The following WNT2B variants were observed in gnomAD, a reference collection of about 807,000 sequenced individuals.
The protein encoded by WNT2B is Wnt family member 2B.
WNT2B carries 19 observed loss-of-function variants against 40.5 expected under a neutral mutation model. The ratio of observed to expected loss-of-function variants is 0.47; its 90% CI spans 0.33 to 0.69. The LOEUF is 0.69. Ranked by LOEUF, WNT2B falls within the 30% of genes least tolerant of loss-of-function variation. WNT2B has a pLI of 0.02. For synonymous variants in WNT2B, 220 were observed against 211.9 expected (o/e 1.04, Z -0.33); for missense variants, 467 against 556.4 (o/e 0.84, Z 1.62).
In WNT2B at chr1:112,520,401, G is replaced by C; in HGVS notation, c.1068G>C (p.Glu356Asp). ...GAGTCACCCGTGTTACCCAGTGTGA[G>C]TGCAAATTCCACTGGTGCTGTGCTG... The part of the protein sequence containing the change: ...TTRVTRVTQC[E>D]CKFHWCCAVR... The change falls in exon 5 of 5, where the codon GAG becomes GAC. Residue 356 changes from glutamate to aspartate, a missense_variant. By Grantham distance (45) the Glu-to-Asp change is conservative. This residue lies in a region of WNT2B where 330 missense variants were observed against 438.6 expected (regional missense o/e 0.75). Transcript: ENST00000369684. 6.2e-7 allele frequency: 1 copy of C among 1,614,176 alleles called. No homozygotes were observed. The highest frequency in any genetic ancestry group is 2.2e-5 in the East Asian group (1 of 44,882).
intron 1 of WNT2B, among the ~76,000 whole-genome samples, chr1:112,473,740 A>G (rs1650963319): frequency 6.6e-6 from 1 of 152,046 alleles, no homozygotes; most frequent in South Asian, 2.1e-4. Flanking sequence ...AGCATAAGAA[A>G]CATGAAGGAA....
rs1316881296 is a variant in WNT2B at position 112,479,089 on chromosome 1, T to C, written c.-95+11498T>C. ...TACAAAAATTAGCTGGGCGTAGTGG[T>C]ACATGCCTGTAATCCCAGCTACTCA... On this transcript the variant is annotated intron_variant, in intron 1 of 4. Transcript: ENST00000256640. Among the ~76,000 whole-genome samples, 12 of 149,420 alleles carry C rather than the reference T, an allele frequency of 8.0e-5. 1 individual carries two copies. Among genetic ancestry groups the C allele is most frequent in the Admixed American group, 4.7e-4 (7 of 15,032 alleles).
At chr1:112,475,500 A>T (rs1344882514) in intron 1 of WNT2B, among the ~76,000 whole-genome samples, 2 of 152,238 alleles carry the variant, frequency 1.3e-5, no homozygotes, top group Non-Finnish European at 2.9e-5. Context: ...ATCACAGTGT[A>T]TTGTGGGCTT....
intron 1 of WNT2B, among the ~76,000 whole-genome samples, chr1:112,470,883 G>T (rs979506406): frequency 2.3e-5 from 3 of 129,992 alleles, no homozygotes; most frequent in African/African-American, 9.7e-5. Flanking sequence ...GGGCAAGGTC[G>T]CTCTCACAGG....
rs199991957 is a variant in WNT2B at position 112,517,325 on chromosome 1, C to T, written c.886C>T (p.Arg296Trp). Reference protein sequence around the residue: ...AARQGYRRATRTDLVYFDNSP... With the variant: ...AARQGYRRATWTDLVYFDNSP... Reference sequence around the variant, plus strand: ...CCGCCAAGGCTATCGCCGTGCCACCCGGACTGATCTTGTCTACTTTGACAA... The same window carrying T: ...CCGCCAAGGCTATCGCCGTGCCACCTGGACTGATCTTGTCTACTTTGACAA... Residue 296 changes from arginine (R) to tryptophan (W), a missense_variant, in exon 4 of 5, where the codon CGG becomes TGG. Coordinates refer to ENST00000369684, the MANE Select transcript of WNT2B (RefSeq NM_024494.3). The T allele has an allele frequency of 3.1e-6, 5 of 1,613,798 alleles. No individual in the cohort carries two copies. The highest frequency in any genetic ancestry group is 2.2e-5 in the East Asian group (1 of 44,864).
intron 1 of WNT2B, among the ~76,000 whole-genome samples, chr1:112,473,922 G>A (rs185446963): frequency 2.0e-5 from 3 of 150,398 alleles, no homozygotes; most frequent in African/African-American, 4.9e-5. Context: ...AAAATTAGCC[G>A]GGCGTGGTGG....
chr1:112,512,848 T>A (rs930331975), intron 1 of WNT2B, among the ~76,000 whole-genome samples: 1 of 152,212 alleles, frequency 6.6e-6, no homozygotes, highest in Non-Finnish European at 1.5e-5. Flanking sequence ...GCAAGCGCCA[T>A]GCTCTGTGGA....
At chr1:112,512,270 C>A (rs1011607114) in intron 1 of WNT2B, among the ~76,000 whole-genome samples, 2 of 152,152 alleles carry the variant, frequency 1.3e-5, no homozygotes, top group African/African-American at 2.4e-5. Context: ...TGATTGCATA[C>A]CTACTATGTG....
At chr1:112,497,641 C>T (rs528510410) in intron 1 of WNT2B, among the ~76,000 whole-genome samples, 3 of 152,328 alleles carry the variant, frequency 2.0e-5, no homozygotes, top group Non-Finnish European at 4.4e-5. Flanking sequence ...ATGAATACCA[C>T]CTGACTTCCT....
At chr1:112,488,708 T>A (rs1651500049) in intron 1 of WNT2B, among the ~76,000 whole-genome samples, 1 of 151,972 alleles carries the variant, frequency 6.6e-6, no homozygotes, top group Non-Finnish European at 1.5e-5. Context: ...CTCGCCACCA[T>A]GCCCGGCTAA....
At position 112,502,825 on chromosome 1, in the gene WNT2B, G is replaced by A. The variant is rs566022677; in HGVS notation, c.-94-12049G>A. On this transcript the variant is annotated intron_variant, in intron 1 of 4. Transcript: ENST00000256640. The stretch of plus-strand genomic sequence containing the variant: ...TAGAGAAGGAAATTGGGGGAGAGGG[G>A]ATTGCGGACAGGGATTATGGAAAAC... Among the ~76,000 whole-genome samples, 19 of 152,314 alleles carry A rather than the reference G, an allele frequency of 1.2e-4. 1 individual carries two copies. The South Asian group carries it at 3.7e-3, about 30-fold the overall frequency.
intron 1 of WNT2B, chr1:112,514,625 C>A (rs1207060621): frequency 1.8e-6 from 1 of 558,468 alleles, no homozygotes. Context: ...GTGTATGTCA[C>A]TTTGGCCTTT....
At chr1:112,468,228 A>G (rs190481886) in intron 1 of WNT2B, among the ~76,000 whole-genome samples, 132 of 152,258 alleles carry the variant, frequency 8.7e-4, no homozygotes, top group African/African-American at 2.9e-3. Flanking sequence ...ACTTAGGTTT[A>G]TATCTTTGCT....
upstream of WNT2B, among the ~76,000 whole-genome samples, chr1:112,505,188 C>T (rs1652072694): frequency 1.3e-5 from 2 of 152,296 alleles, no homozygotes; most frequent in South Asian, 4.2e-4. Flanking sequence ...TGGAAGCTGT[C>T]CTGCTGGAGG....
intron 1 of WNT2B, among the ~76,000 whole-genome samples, chr1:112,484,280 T>TATACAC (rs1557909923): frequency 2.4e-4 from 31 of 129,652 alleles, no homozygotes; most frequent in African/African-American, 2.8e-4. Context: ...CACATATATA[T>TATACAC]ATATATATAT....
chr1:112,474,377 T>C (rs913514692), intron 1 of WNT2B, among the ~76,000 whole-genome samples: 1 of 152,114 alleles, frequency 6.6e-6, no homozygotes, highest in East Asian at 2.0e-4. Context: ...CTCAATCTCC[T>C]GACCTCGTGA....
chr1:112,489,005 T>A (rs2101062971), intron 1 of WNT2B, among the ~76,000 whole-genome samples: 1 of 152,298 alleles, frequency 6.6e-6, no homozygotes, highest in African/African-American at 2.4e-5. Flanking sequence ...AAATTAAGCA[T>A]CTGTGCATCC....
rs188000797 is a variant in WNT2B, at chr1:112,482,683, G to A, written c.-95+15092G>A. 2.8e-4 allele frequency among the ~76,000 whole-genome samples: 42 copies of A among 151,964 alleles called. 1 individual carries two copies. The highest frequency in any genetic ancestry group is 9.2e-4 in the African/African-American group (38 of 41,440). ...GCAAAGTAGTCAGAAAGAAAATTAA[G>A]GAAACAATCCCATTCCCATTAGCAA... On this transcript the variant is annotated intron_variant, in intron 1 of 4. Transcript: ENST00000256640.
intron 1 of WNT2B, among the ~76,000 whole-genome samples, chr1:112,510,388 T>C (rs1652306617): frequency 6.6e-6 from 1 of 152,086 alleles, no homozygotes; most frequent in South Asian, 2.1e-4. Flanking sequence ...ACTCAGTCTT[T>C]CCTCTTCACC....
Sources: gnomAD v4.1 joint callset for allele counts (sites outside exome capture counted in the v4.1 genomes callset) on GRCh38, gnomAD v4.1.1 for gene constraint, gnomAD v4.1.1 regional missense constraint, MANE v1.5 for transcripts, NCBI Gene and HGNC (gene_info 2026-07-23, HGNC 2026-07-21) for gene names.